FN1: variants seen among roughly 807,000 people sequenced by gnomAD.
FN1 encodes the protein fibronectin 1.
Under a neutral mutation model 297.3 loss-of-function variants are expected in FN1, and 106 were observed. The ratio of observed to expected loss-of-function variants is 0.36; its 90% CI spans 0.30 to 0.42. FN1 has a LOEUF of 0.42. FN1 is among the 10% of genes least tolerant of loss of function. The pLI is 1.00. For synonymous variants in FN1, 1,149 were observed against 1,152.6 expected (o/e 1.00, Z 0.06); for missense variants, 2,690 against 3,124.9 (o/e 0.86, Z 3.32).
intron 12 of FN1, among the ~76,000 whole-genome samples, chr2:215,416,073 T>C (rs1187550047): frequency 6.6e-6 from 1 of 152,150 alleles, no homozygotes; most frequent in African/African-American, 2.4e-5. Context: ...AAAAATACAT[T>C]GATTTTCAAA....
intron 6 of FN1, among the ~76,000 whole-genome samples, chr2:215,425,720 T>C (rs1471636252): frequency 6.6e-6 from 1 of 151,382 alleles, no homozygotes; most frequent in East Asian, 1.9e-4. Flanking sequence ...GCCCAGCTGA[T>C]TTTTTTTGTA....
At chr2:215,398,333 T>G (rs912798101) in intron 21 of FN1, among the ~76,000 whole-genome samples, 4 of 152,244 alleles carry the variant, frequency 2.6e-5, no homozygotes, top group Non-Finnish European at 5.9e-5. Context: ...TAGCTTCAAC[T>G]GCAGGATGAT....
chr2:215,408,600 C>G (rs1306091224), intron 15 of FN1, among the ~76,000 whole-genome samples, 174 bp from the exon 16 acceptor site: 1 of 152,182 alleles, frequency 6.6e-6, no homozygotes, highest in East Asian at 1.9e-4. Flanking sequence ...CAGAGTCTTG[C>G]TGTGTTGCCC....
At chr2:215,374,303 G>C (rs757382718) in intron 38 of FN1, among the ~76,000 whole-genome samples, 11 of 152,148 alleles carry the variant, frequency 7.2e-5, no homozygotes, top group Non-Finnish European at 1.5e-4. Context: ...TCTAATGTCT[G>C]TATGTTCTGT....
rs760153921 is a variant in FN1, at chr2:215,420,770, A to T, written c.1578T>A (p.Asn526Lys). The change falls in exon 11 of 46, where the codon AAT becomes AAA. Residue 526 changes from asparagine (N) to lysine (K), a missense_variant. Physicochemically the swap from Asn to Lys is moderately conservative, Grantham distance 94. Coordinates refer to ENST00000354785, the MANE Select transcript of FN1 (RefSeq NM_212482.4). ...GACGCTTGTGGAATGTGTCGTTCAC[A>T]TTGTAAGTGATGTCATCAACAATGC... ...DQCIVDDITY[N>K]VNDTFHKRHE... 1.2e-6 allele frequency: 2 copies of T among 1,614,080 alleles called. No individual in the cohort carries two copies. The highest frequency in any genetic ancestry group is 1.7e-6 in the Non-Finnish European group (2 of 1,179,928).
In FN1 at chr2:215,418,613, C is replaced by T. The variant is rs144505974; in HGVS notation, c.1819+629G>A. 7.7e-3 allele frequency among the ~76,000 whole-genome samples: 1,172 copies of T among 152,144 alleles called. 8 individuals carry two copies. Among genetic ancestry groups the T allele is most frequent in the Admixed American group, 0.011 (169 of 15,278 alleles). ...TCAGTGAATATTTAAATGCAATTTT[C>T]CCCCCAAATGAACTAATTACACCTA... On this transcript the variant is annotated intron_variant, in intron 12 of 45. Coordinates refer to ENST00000354785, the MANE Select transcript of FN1 (RefSeq NM_212482.4).
Position 215,384,975 on chromosome 2 carries a change from A to C in FN1, c.4614T>G (p.Val1538=). 3 of 1,607,996 alleles carry C rather than the reference A, an allele frequency of 1.9e-6. No individual in the cohort carries two copies. The highest frequency in any genetic ancestry group is 1.7e-6 in the Non-Finnish European group (2 of 1,174,430). Residue 1538 remains valine (V), a splice_region_variant and synonymous_variant, in exon 29 of 46, where the codon GTT becomes GTG. Transcript: ENST00000354785. The part of the protein sequence containing the change: ...SPLLIGQQST[V]SDVPRDLEVV... ...CTTCCAGGTCCCTCGGAACATCAGA[A>C]ACTAGAAAAAAAAGGGAAACTTTTC... is the stretch of plus-strand genomic sequence containing the variant.
Position 215,384,894 on chromosome 2 carries a change from T to C in FN1, c.4695A>G (p.Thr1565=). 1 of 1,613,638 alleles carries C rather than the reference T, an allele frequency of 6.2e-7. No homozygotes were observed. Among genetic ancestry groups the C allele is most frequent in the Non-Finnish European group, 8.5e-7 (1 of 1,179,576 alleles). ...CGTAAGTGATCCTGTAATATCTCACTGTGACAGCAGGAGCATCCCAGCTGA... is the reference window on the plus strand; with the variant it reads ...CGTAAGTGATCCTGTAATATCTCACCGTGACAGCAGGAGCATCCCAGCTGA... ...LLISWDAPAV[T]VRYYRITYGE... The change falls in exon 29 of 46, where the codon ACA becomes ACG. Residue 1565 remains threonine (T), a synonymous_variant. Coordinates refer to ENST00000354785, the MANE Select transcript of FN1 (RefSeq NM_212482.4).
chr2:215,426,643 C>A (rs761432164), intron 6 of FN1, among the ~76,000 whole-genome samples: 1 of 152,080 alleles, frequency 6.6e-6, no homozygotes, highest in East Asian at 1.9e-4. Flanking sequence ...TGGCGCCCAT[C>A]CCCTACACTC....
Position 215,393,180 on chromosome 2 carries a change from T to C in FN1, c.3820A>G (p.Ser1274Gly), listed in dbSNP as rs755763428. 6.2e-7 allele frequency: 1 copy of C among 1,613,604 alleles called. No individual in the cohort carries two copies. Among genetic ancestry groups the C allele is most frequent in the Non-Finnish European group, 8.5e-7 (1 of 1,179,916 alleles). Residue 1274 changes from serine to glycine, a missense_variant, in exon 25 of 46, where the codon AGC (serine) becomes GGC (glycine). Physicochemically the swap from Ser to Gly is moderately conservative, Grantham distance 56. This residue lies in a region of FN1 where 1,743 missense variants were observed against 1,945.2 expected (regional missense o/e 0.90). Coordinates refer to ENST00000354785, the MANE Select transcript of FN1 (RefSeq NM_212482.4). ...CTTGAATCGGTTATATCAACAAAGC[T>C]TAGGTCAGTGAGTTGGGGCACCTCT... ...IPEVPQLTDLSFVDITDSSIG... is the reference protein window; with the variant it reads ...IPEVPQLTDLGFVDITDSSIG...
Position 215,436,023 on chromosome 2 carries a change from C to T in FN1, c.-221G>A, listed in dbSNP as rs921272282. 1.0e-6 allele frequency: 1 copy of T among 989,984 alleles called. No homozygotes were observed. The highest frequency in any genetic ancestry group is 1.4e-6 in the Non-Finnish European group (1 of 702,118). The allele number at this position is 989,984 out of a possible 1,614,324, so 61.3% of individuals were successfully genotyped here. A position where few individuals can be genotyped will look rare whatever the true frequency, so the allele number is the denominator to read the frequency against. Reference sequence around the variant, plus strand: ...TGCAGGTCCCCTCTTCCCGCTCGCGCCTGGGGTTCCCTCTCCTCCCCCTGT... The same window carrying T: ...TGCAGGTCCCCTCTTCCCGCTCGCGTCTGGGGTTCCCTCTCCTCCCCCTGT... On this transcript the variant is annotated 5_prime_UTR_variant, in exon 1 of 46. Coordinates refer to ENST00000354785, the MANE Select transcript of FN1 (RefSeq NM_212482.4).
At chr2:215,378,372 AC>A in intron 34 of FN1, 110 bp from the exon 35 acceptor site, 1 of 706,682 alleles carries the variant, frequency 1.4e-6, no homozygotes, top group Non-Finnish European at 2.6e-6. Flanking sequence ...AAATAAACAA[AC>A]CAGCAAAACC....
intron 21 of FN1, among the ~76,000 whole-genome samples, 157 bp downstream of exon 21, chr2:215,399,100 G>C (rs775679131): frequency 6.6e-6 from 1 of 152,314 alleles, no homozygotes; most frequent in East Asian, 1.9e-4. Context: ...GGCAGGGAAG[G>C]ACTGTTAGGC....
Position 215,377,675 on chromosome 2 carries a change from T to C in FN1, c.5710+500A>G, listed in dbSNP as rs541006794. Among the ~76,000 whole-genome samples, 12 of 152,348 alleles carry C rather than the reference T, an allele frequency of 7.9e-5. No individual in the cohort carries two copies. The South Asian group carries it at 2.5e-3, about 32-fold the overall frequency. On this transcript the variant is annotated intron_variant, in intron 35 of 45. Transcript: ENST00000354785. ...TTACCCAGTCTCCGGTATTTCTTTA[T>C]AGTAATGCAAGAATGGCCTAATATG...
Position 215,425,324 on chromosome 2 carries a change from G to A in FN1, c.845-39C>T, listed in dbSNP as rs555989619. The stretch of plus-strand genomic sequence containing the variant: ...AAGGGAATGTCACAAAACTGGGTGA[G>A]AGAAGACAATTCACTACTTTCTGCA... On this transcript the variant is annotated intron_variant, in intron 6 of 45. Coordinates refer to ENST00000354785, the MANE Select transcript of FN1 (RefSeq NM_212482.4). The A allele has an allele frequency of 2.5e-6, 4 of 1,590,568 alleles. No homozygotes were observed. In the African/African-American group the frequency reaches 4.0e-5, roughly 16 times the overall value.
chr2:215,377,743 T>G (rs1341532014), intron 35 of FN1, among the ~76,000 whole-genome samples: 1 of 152,214 alleles, frequency 6.6e-6, no homozygotes, highest in East Asian at 1.9e-4. Flanking sequence ...CTCCCCAAGC[T>G]TAGCTCTATG....
intron 8 of FN1, 38 bp downstream of exon 8, chr2:215,424,108 T>C: frequency 6.3e-7 from 1 of 1,596,376 alleles, no homozygotes; most frequent in Non-Finnish European, 8.6e-7. Flanking sequence ...TGAAAGTGAG[T>C]TTTTCTCACT....
In FN1 at chr2:215,372,046, C is replaced by T. The variant is rs775537486; in HGVS notation, c.6577G>A (p.Gly2193Ser). The T allele has an allele frequency of 4.6e-5, 74 of 1,614,044 alleles. 1 individual carries two copies. The East Asian group carries it at 1.3e-3, about 29-fold the overall frequency. Residue 2193 changes from glycine to serine, a missense_variant, in exon 40 of 46, where the codon GGT (glycine) becomes AGT (serine). Coordinates refer to ENST00000354785, the MANE Select transcript of FN1 (RefSeq NM_212482.4). The part of the protein sequence containing the change: ...EDVDYHLYPH[G>S]PGLNPNASTG... Reference sequence around the variant, plus strand: ...GAGGCATTTGGATTGAGTCCCGGACCGTGTGGGTACAGGTGATAGTCTACA... The same window carrying T: ...GAGGCATTTGGATTGAGTCCCGGACTGTGTGGGTACAGGTGATAGTCTACA...
intron 6 of FN1, among the ~76,000 whole-genome samples, chr2:215,427,303 A>G (rs1432000967): frequency 2.6e-5 from 4 of 152,234 alleles, no homozygotes; most frequent in African/African-American, 9.6e-5. Flanking sequence ...CATCAAAAGA[A>G]GAAAAATTAG....
Sources: gnomAD v4.1 joint callset for allele counts (sites outside exome capture counted in the v4.1 genomes callset) on GRCh38, gnomAD v4.1.1 for gene constraint, gnomAD v4.1.1 regional missense constraint, MANE v1.5 for transcripts, NCBI Gene and HGNC (gene_info 2026-07-23, HGNC 2026-07-21) for gene names.